Variants in BAG4 observed in about 807,000 individuals in gnomAD.
BAG4 encodes the protein BAG cochaperone 4.
In BAG4, 28 loss-of-function variants were observed where a neutral mutation model predicts 52.1. That is an observed-to-expected ratio of 0.54 (90% CI 0.40 to 0.74). The LOEUF (loss-of-function observed/expected upper bound fraction) is 0.74. Among genes scored for constraint, BAG4 ranks in the 30% least tolerant of loss-of-function variants. The pLI is 0.00. For missense variants in BAG4, 525 were observed against 572.0 expected, an observed-to-expected ratio of 0.92 and a Z score of 0.84; for synonymous variants, 208 against 217.0, an observed-to-expected ratio of 0.96 and a Z score of 0.37.
Position 38,192,737 on chromosome 8 carries a change from C to G in BAG4, c.320C>G (p.Ala107Gly). ...SYNSNYWNST[A>G]RSRAPYPSTY... ...AATTCTAACTATTGGAATTCTACTG[C>G]GAGATCTAGGGCTCCTTACCCAAGT... The change falls in exon 2 of 5, where the codon GCG becomes GGG. Residue 107 changes from alanine to glycine, a missense_variant. By Grantham distance (60) the Ala-to-Gly change is moderately conservative. Transcript: ENST00000287322. 6.2e-7 allele frequency: 1 copy of G among 1,613,466 alleles called. No homozygotes were observed.
In BAG4 at chr8:38,211,345, A is replaced by G. The variant is rs1438103547; in HGVS notation, c.*852A>G. The G allele has an allele frequency of 3.3e-5, 5 of 149,810 alleles. No individual in the cohort carries two copies. In the East Asian group the frequency reaches 9.7e-4, roughly 29 times the overall value. The allele number at this position is 149,810 out of a possible 1,614,324, so 9.3% of individuals were successfully genotyped here. On this transcript the variant is annotated 3_prime_UTR_variant, in exon 5 of 5. Transcript: ENST00000287322. ...TTTTATTGTATTTGGATAAAGATCC[A>G]CTTAAAAGTTATCTGTTTTTTCCTG...
chr8:38,187,992 G>A (rs1476025276), intron 1 of BAG4, among the ~76,000 whole-genome samples: 2 of 140,704 alleles, frequency 1.4e-5, no homozygotes, highest in Non-Finnish European at 3.0e-5. Flanking sequence ...AGCCGAGATC[G>A]TGCCACTGCA....
chr8:38,190,138 C>G (rs1375768548), intron 1 of BAG4, among the ~76,000 whole-genome samples: 2 of 152,154 alleles, frequency 1.3e-5, no homozygotes, highest in Non-Finnish European at 2.9e-5. Flanking sequence ...CATTCACTAT[C>G]CCCCAGTTCT....
intron 2 of BAG4, among the ~76,000 whole-genome samples, chr8:38,203,428 G>A (rs866432861): frequency 6.6e-6 from 1 of 151,756 alleles, no homozygotes; most frequent in African/African-American, 2.4e-5. Context: ...GACTACAGTC[G>A]CCTGCCACCA....
At chr8:38,204,992 T>G (rs2130688782) in intron 2 of BAG4, among the ~76,000 whole-genome samples, 1 of 152,202 alleles carries the variant, frequency 6.6e-6, no homozygotes, top group Non-Finnish European at 1.5e-5. Context: ...TTATTTCATA[T>G]CATTAAATAT....
chr8:38,190,600 A>ATT (rs540081789), intron 1 of BAG4, among the ~76,000 whole-genome samples: 2,724 of 131,164 alleles, frequency 0.021, 84 homozygotes, highest in African/African-American at 0.072. Flanking sequence ...CCCACCTGAC[A>ATT]TTTTTTTTTT....
chr8:38,196,678 G>A (rs1433415554), intron 2 of BAG4, among the ~76,000 whole-genome samples: 2 of 151,942 alleles, frequency 1.3e-5, no homozygotes, highest in African/African-American at 4.8e-5. Context: ...CCATCTTAGT[G>A]GGTGCAAAGT....
Position 38,211,843 on chromosome 8 carries a change from C to G in BAG4, c.*1350C>G, listed in dbSNP as rs184086295. 7.2e-5 allele frequency: 11 copies of G among 152,176 alleles called. No individual in the cohort carries two copies. The allele number at this position is 152,176 out of a possible 1,614,324, so 9.4% of individuals were successfully genotyped here. On this transcript the variant is annotated 3_prime_UTR_variant, in exon 5 of 5. Transcript: ENST00000287322. The stretch of plus-strand genomic sequence containing the variant: ...ACTCTATGCTGTTAGATAGAAGAGA[C>G]TTAGGTAAATAACTTTTTATGTCTG...
intron 2 of BAG4, among the ~76,000 whole-genome samples, chr8:38,207,021 T>C (rs951983786): frequency 6.6e-6 from 1 of 151,420 alleles, no homozygotes; most frequent in African/African-American, 2.4e-5. Flanking sequence ...GGCACGATCT[T>C]GGCTCACTGC....
intron 1 of BAG4, among the ~76,000 whole-genome samples, chr8:38,177,707 A>C (rs1346524185): frequency 6.6e-6 from 1 of 152,244 alleles, no homozygotes; most frequent in Non-Finnish European, 1.5e-5. Flanking sequence ...GCAAGGTAAA[A>C]TGGCATTACA....
chr8:38,184,707 A>G (rs1054829097), intron 1 of BAG4, among the ~76,000 whole-genome samples: 8 of 152,144 alleles, frequency 5.3e-5, no homozygotes, highest in Non-Finnish European at 1.0e-4. Flanking sequence ...AGCCTAGCAT[A>G]GTGTGTTGGC....
intron 1 of BAG4, among the ~76,000 whole-genome samples, chr8:38,181,686 G>A (rs554684491): frequency 6.4e-4 from 97 of 151,364 alleles, no homozygotes; most frequent in Admixed American, 2.2e-3. Context: ...GTAGTGAGCC[G>A]AGATCACACC....
chr8:38,186,521 C>G (rs1431039558), intron 1 of BAG4, among the ~76,000 whole-genome samples: 1 of 152,134 alleles, frequency 6.6e-6, no homozygotes, highest in Non-Finnish European at 1.5e-5. Flanking sequence ...AGGGAAGAGA[C>G]TGGTTAGATT....
Position 38,191,212 on chromosome 8 carries a change from A to G in BAG4, c.271-1476A>G, listed in dbSNP as rs528426374. Among the ~76,000 whole-genome samples the G allele has an allele frequency of 7.2e-5, 11 of 152,332 alleles. No homozygotes were observed. In the East Asian group the frequency reaches 2.1e-3, roughly 29 times the overall value. On this transcript the variant is annotated intron_variant, in intron 1 of 4. Transcript: ENST00000287322. ...AAAATACTGATTCCCAACAATACCA[A>G]TGTAAGTATTCATTTGCAACTATAA...
chr8:38,201,856 ATATATATATATATATATATATATATT>A (rs1803671640), intron 2 of BAG4: 14 of 25,102 alleles, frequency 5.6e-4, no homozygotes, highest in African/African-American at 3.3e-3. Flanking sequence ...ATATATATAT[ATATATATATATATATATATATATATT>A]TTTTTTTTTT....
intron 4 of BAG4, 146 bp downstream of exon 4, chr8:38,209,413 G>T: frequency 4.7e-6 from 5 of 1,053,578 alleles, no homozygotes; most frequent in East Asian, 5.6e-5. Context: ...ACCTCAGCTC[G>T]GTTTCCTTTT....
rs148302990 is a variant in BAG4, at chr8:38,199,610, A to G, written c.378+6815A>G. On this transcript the variant is annotated intron_variant, in intron 2 of 4. Coordinates refer to ENST00000287322, the MANE Select transcript of BAG4 (RefSeq NM_004874.4). The stretch of plus-strand genomic sequence containing the variant: ...ACAATCTTGGCTCACTACAAGCTCC[A>G]CATCCCAGGTTAAAGTGATTCTCCT... 4.2e-3 allele frequency among the ~76,000 whole-genome samples: 631 copies of G among 150,792 alleles called. 5 individuals carry two copies. Among genetic ancestry groups the G allele is most frequent in the African/African-American group, 0.015 (605 of 41,040 alleles).
intron 1 of BAG4, among the ~76,000 whole-genome samples, chr8:38,185,038 G>A (rs1387959857): frequency 5.3e-5 from 8 of 150,348 alleles, no homozygotes; most frequent in African/African-American, 9.8e-5. Context: ...GCATTGAGCC[G>A]AGATCGCACC....
At chr8:38,191,623 G>A (rs1258283207) in intron 1 of BAG4, among the ~76,000 whole-genome samples, 1 of 152,054 alleles carries the variant, frequency 6.6e-6, no homozygotes, top group East Asian at 1.9e-4. Context: ...AGCTGGGCGT[G>A]GTGGCAGGTG....
Sources: gnomAD v4.1 joint callset for allele counts (sites outside exome capture counted in the v4.1 genomes callset) on GRCh38, gnomAD v4.1.1 for gene constraint, MANE v1.5 for transcripts, NCBI Gene and HGNC (gene_info 2026-07-23, HGNC 2026-07-21) for gene names.